CSRNP3: variants seen among roughly 807,000 people sequenced by gnomAD.
The protein encoded by CSRNP3 is cysteine and serine rich nuclear protein 3, also known as cysteine/serine-rich nuclear protein 3.
Under a neutral mutation model 48.0 loss-of-function variants are expected in CSRNP3, and 12 were observed. The observed-to-expected ratio is 0.25, with a 90% CI of 0.16 to 0.41. The LOEUF is 0.41. Ranked by LOEUF, CSRNP3 falls within the 10% of genes least tolerant of loss-of-function variation. The pLI, the probability that CSRNP3 is intolerant of heterozygous loss-of-function variation, is 1.00. For missense variants in CSRNP3, 580 were observed against 724.4 expected (o/e 0.80, Z 2.29); for synonymous variants, 263 against 269.7 (o/e 0.98, Z 0.24).
At chr2:165,526,424 A>G (rs1420613623) in intron 3 of CSRNP3, among the ~76,000 whole-genome samples, 1 of 152,238 alleles carries the variant, frequency 6.6e-6, no homozygotes, top group Non-Finnish European at 1.5e-5. Flanking sequence ...TTAAAAATAA[A>G]TATGAATCTC....
chr2:165,573,060 AT>A, intron 3 of CSRNP3, among the ~76,000 whole-genome samples: 1 of 152,068 alleles, frequency 6.6e-6, no homozygotes, highest in Non-Finnish European at 1.5e-5. Context: ...ATATTTAATT[AT>A]TTGAATTAAA....
At chr2:165,602,389 A>G (rs1685930561) in intron 4 of CSRNP3, among the ~76,000 whole-genome samples, 1 of 152,204 alleles carries the variant, frequency 6.6e-6, no homozygotes, top group African/African-American at 2.4e-5. Context: ...CTGGAAAACA[A>G]CCAATTAGCT....
At chr2:165,490,219 A>T (rs1303426810) in intron 1 of CSRNP3, among the ~76,000 whole-genome samples, 90 of 150,350 alleles carry the variant, frequency 6.0e-4, no homozygotes, top group Non-Finnish European at 2.2e-4. Context: ...GAGAATAAAA[A>T]ACCTAGGAAT....
chr2:165,593,813 G>A (rs1685764565), intron 3 of CSRNP3, among the ~76,000 whole-genome samples: 1 of 152,130 alleles, frequency 6.6e-6, no homozygotes, highest in Non-Finnish European at 1.5e-5. Context: ...GCATGGAATT[G>A]CCTTATTAAT....
Position 165,671,524 on chromosome 2 carries a change from C to T in CSRNP3, c.409-4788C>T, listed in dbSNP as rs574604185. Among the ~76,000 whole-genome samples the T allele has an allele frequency of 2.9e-4, 44 of 152,310 alleles. No homozygotes were observed. In the South Asian group the frequency reaches 4.8e-3, roughly 16 times the overall value. ...TCACCCCTTTTAGCCATGGCTGGAG[C>T]AGCTGAGACACAAGGCACCACATCC... On this transcript the variant is annotated intron_variant, in intron 5 of 6. Transcript: ENST00000651982.
chr2:165,534,231 A>T (rs537760109), intron 3 of CSRNP3, among the ~76,000 whole-genome samples: 1 of 152,000 alleles, frequency 6.6e-6, no homozygotes, highest in Non-Finnish European at 1.5e-5. Flanking sequence ...CCCTCATAAT[A>T]TTTACTAAAA....
At chr2:165,612,906 T>G (rs1558950462) in intron 4 of CSRNP3, among the ~76,000 whole-genome samples, 1 of 152,120 alleles carries the variant, frequency 6.6e-6, no homozygotes, top group Non-Finnish European at 1.5e-5. Flanking sequence ...TTCAATATAC[T>G]GATTTCCTTT....
At chr2:165,569,203 T>C (rs892118365) in intron 3 of CSRNP3, among the ~76,000 whole-genome samples, 1 of 152,084 alleles carries the variant, frequency 6.6e-6, no homozygotes, top group Non-Finnish European at 1.5e-5. Flanking sequence ...TATTGACTTC[T>C]CTGAATGTGT....
Position 165,592,440 on chromosome 2 carries a change from G to A in CSRNP3, c.-23-2603G>A, listed in dbSNP as rs150231558. Among the ~76,000 whole-genome samples, 3 of 152,296 alleles carry A rather than the reference G, an allele frequency of 2.0e-5. No homozygotes were observed. In the East Asian group the frequency reaches 5.8e-4, roughly 30 times the overall value. On this transcript the variant is annotated intron_variant, in intron 3 of 6. Transcript: ENST00000651982. ...CTTAGGGGGGCCGTTGGAAAGCCAT[G>A]ATTGTGTTTTGAAATGTGAGGACAT...
At chr2:165,607,393 C>A (rs530573674) in intron 4 of CSRNP3, among the ~76,000 whole-genome samples, 2 of 152,106 alleles carry the variant, frequency 1.3e-5, no homozygotes, top group South Asian at 2.1e-4. Flanking sequence ...CAGTGATAAC[C>A]AAGTGACACT....
intron 4 of CSRNP3, among the ~76,000 whole-genome samples, chr2:165,639,113 G>C (rs1268315114): frequency 6.6e-6 from 1 of 152,112 alleles, no homozygotes; most frequent in Non-Finnish European, 1.5e-5. Flanking sequence ...AACATGTCTT[G>C]TCACGTATTT....
At chr2:165,568,437 A>G (rs888016531) in intron 3 of CSRNP3, among the ~76,000 whole-genome samples, 4 of 152,026 alleles carry the variant, frequency 2.6e-5, no homozygotes, top group Admixed American at 6.6e-5. Flanking sequence ...ATAGTTAGTA[A>G]AGCTCTTGTC....
chr2:165,604,645 T>A (rs927334396), intron 4 of CSRNP3, among the ~76,000 whole-genome samples: 2 of 152,262 alleles, frequency 1.3e-5, no homozygotes, highest in Non-Finnish European at 2.9e-5. Flanking sequence ...TATATAGCTT[T>A]ACCAGGCAGA....
At chr2:165,611,739 A>G (rs1686141232) in intron 4 of CSRNP3, among the ~76,000 whole-genome samples, 1 of 152,166 alleles carries the variant, frequency 6.6e-6, no homozygotes, top group African/African-American at 2.4e-5. Flanking sequence ...AACTTTCCAA[A>G]GGATCTTACT....
intron 3 of CSRNP3, among the ~76,000 whole-genome samples, chr2:165,546,526 A>T (rs1465567045): frequency 6.6e-6 from 1 of 152,130 alleles, no homozygotes; most frequent in Non-Finnish European, 1.5e-5. Flanking sequence ...TCTGCATACA[A>T]ATGCTACCTA....
Position 165,597,215 on chromosome 2 carries a change from A to T in CSRNP3, c.148+2002A>T, listed in dbSNP as rs1685826677. Among the ~76,000 whole-genome samples the T allele has an allele frequency of 2.0e-5, 3 of 152,230 alleles. No individual in the cohort carries two copies. The South Asian group carries it at 6.2e-4, about 31-fold the overall frequency. ...TAAAGGTCTGGATATTAATGGTTTC[A>T]ACATTAATTTCTAAATATAAGAGTA... On this transcript the variant is annotated intron_variant, in intron 4 of 6. Coordinates refer to ENST00000651982, the MANE Select transcript of CSRNP3 (RefSeq NM_001172173.2).
intron 4 of CSRNP3, among the ~76,000 whole-genome samples, chr2:165,648,510 T>G (rs1341502912): frequency 1.3e-5 from 2 of 152,140 alleles, no homozygotes; most frequent in Non-Finnish European, 2.9e-5. Context: ...TTTTTTTGCT[T>G]TCTTGATCTG....
chr2:165,618,380 A>T (rs896027557), intron 4 of CSRNP3, among the ~76,000 whole-genome samples: 1 of 152,182 alleles, frequency 6.6e-6, no homozygotes, highest in African/African-American at 2.4e-5. Context: ...TGTATTTGAC[A>T]TGTTAGCTAC....
intron 2 of CSRNP3, among the ~76,000 whole-genome samples, chr2:165,513,719 A>G (rs6432831): frequency 0.73 from 110,739 of 151,634 alleles, 41,168 homozygotes; most frequent in African/African-American, 0.87. Context: ...CCTACTGAAG[A>G]TACCCTTTTA....
Sources: allele counts gnomAD v4.1 joint callset (sites outside exome capture counted in the v4.1 genomes callset), GRCh38; gene constraint gnomAD v4.1.1; transcripts MANE v1.5; gene names NCBI Gene and HGNC (gene_info 2026-07-23, HGNC 2026-07-21).